Variants in EZH2 observed in about 807,000 individuals in gnomAD.
The protein encoded by EZH2 is histone-lysine N-methyltransferase EZH2.
Under a neutral mutation model 98.4 loss-of-function variants are expected in EZH2, and 18 were observed. The observed-to-expected ratio is 0.18, with a 90% confidence interval of 0.13 to 0.27. EZH2 has a LOEUF of 0.27. Ranked by LOEUF, EZH2 falls within the 10% of genes least tolerant of loss-of-function variation. The probability of loss-of-function intolerance (pLI) is 1.00; values close to 1 mark genes in which losing one functional copy is unlikely to be tolerated. For missense variants in EZH2, 470 were observed against 935.1 expected (o/e 0.50, Z 6.49); for synonymous variants, 338 against 312.3 (o/e 1.08, Z -0.87).
chr7:148,841,181 C>CT (rs780466171), intron 3 of EZH2, among the ~76,000 whole-genome samples: 114 of 146,234 alleles, frequency 7.8e-4, no homozygotes, highest in East Asian at 4.7e-3. Context: ...CACAAATGAC[C>CT]TTTTTTTTTT....
At chr7:148,849,464 G>A (rs1482476499) in intron 1 of EZH2, among the ~76,000 whole-genome samples, 1 of 152,196 alleles carries the variant, frequency 6.6e-6, no homozygotes, top group Non-Finnish European at 1.5e-5. Flanking sequence ...GAAGAGATAA[G>A]AATGGGCAGG....
Position 148,867,925 on chromosome 7 carries a change from G to C in EZH2, c.-8+16239C>G, listed in dbSNP as rs1264219864. ...CTAGAGCAGGAGCACAATGCTGCCAGTCTCTTTGCTAACACATAGCAAGAG... is the reference window on the plus strand; with the variant it reads ...CTAGAGCAGGAGCACAATGCTGCCACTCTCTTTGCTAACACATAGCAAGAG... On this transcript the variant is annotated intron_variant, in intron 1 of 19. Transcript: ENST00000320356. Among the ~76,000 whole-genome samples, 5 of 152,190 alleles carry C rather than the reference G, an allele frequency of 3.3e-5. No individual in the cohort carries two copies. The South Asian group carries it at 1.0e-3, about 32-fold the overall frequency.
chr7:148,851,146 T>C (rs1815653896), intron 1 of EZH2, among the ~76,000 whole-genome samples: 1 of 152,036 alleles, frequency 6.6e-6, no homozygotes, highest in Non-Finnish European at 1.5e-5. Flanking sequence ...AGCTTAGCTA[T>C]AGGTATGAAA....
At chr7:148,826,860 T>C (rs533505589) in intron 7 of EZH2, among the ~76,000 whole-genome samples, 10 of 152,308 alleles carry the variant, frequency 6.6e-5, no homozygotes, top group African/African-American at 2.4e-4. Context: ...TTATATTAGT[T>C]TTAACTAAAC....
chr7:148,807,508 TTACTA>T lies in EZH2; in HGVS notation c.*133_*137del, dbSNP rs1158238278. On this transcript the variant is annotated 3_prime_UTR_variant, in exon 20 of 20. Transcript: ENST00000320356. ...AATAAAAAGTTGATTTTTAAACTCA[TTACTA>T]TAAATTATTCTTACAGTACTTTGCA... 9 of 704,506 alleles carry T rather than the reference TTACTA, an allele frequency of 1.3e-5. No individual in the cohort carries two copies. The highest frequency in any genetic ancestry group is 2.2e-5 in the Non-Finnish European group (9 of 410,484). 43.6% of individuals were successfully genotyped at this position (704,506 alleles called of 1,614,324 possible). A position where few individuals can be genotyped will look rare whatever the true frequency, so the allele number is the denominator to read the frequency against.
chr7:148,865,068 G>A (rs1464621157), intron 1 of EZH2, among the ~76,000 whole-genome samples: 3 of 150,336 alleles, frequency 2.0e-5, no homozygotes, highest in African/African-American at 4.9e-5. Context: ...CAGAGGATGC[G>A]TTAAGCTGAG....
At chr7:148,859,181 T>C (rs1437137996) in intron 1 of EZH2, among the ~76,000 whole-genome samples, 4 of 152,204 alleles carry the variant, frequency 2.6e-5, no homozygotes, top group African/African-American at 9.7e-5. Context: ...TGTGCCCTTA[T>C]ACAGCTTAAA....
At chr7:148,854,609 T>C (rs1816489997) in intron 1 of EZH2, among the ~76,000 whole-genome samples, 1 of 152,208 alleles carries the variant, frequency 6.6e-6, no homozygotes, top group African/African-American at 2.4e-5. Flanking sequence ...GACTCTTAAC[T>C]GAATACCAGG....
chr7:148,857,533 CG>C (rs1773181543), intron 1 of EZH2, among the ~76,000 whole-genome samples: 2 of 152,174 alleles, frequency 1.3e-5, no homozygotes, highest in South Asian at 2.1e-4. Flanking sequence ...AGGCGGATCA[CG>C]TAAGTCAGGA....
At chr7:148,811,591 A>G in intron 16 of EZH2, 34 bp downstream of exon 16, 1 of 1,538,516 alleles carries the variant, frequency 6.5e-7, no homozygotes, top group Non-Finnish European at 9.0e-7. Context: ...TAGTATATAC[A>G]ATGCCACCTG....
intron 1 of EZH2, among the ~76,000 whole-genome samples, chr7:148,864,392 A>G (rs762789164): frequency 6.6e-6 from 1 of 152,236 alleles, no homozygotes; most frequent in Non-Finnish European, 1.5e-5. Flanking sequence ...TCTAAAGGTT[A>G]AAGTTTTCAG....
chr7:148,813,180 G>A (rs531617439), intron 15 of EZH2, among the ~76,000 whole-genome samples: 1 of 151,996 alleles, frequency 6.6e-6, no homozygotes, highest in Admixed American at 6.5e-5. Flanking sequence ...GTAAAATGGG[G>A]GTTAACACTT....
At chr7:148,869,871 C>T (rs549305838) in intron 1 of EZH2, among the ~76,000 whole-genome samples, 1 of 146,308 alleles carries the variant, frequency 6.8e-6, no homozygotes, top group South Asian at 2.1e-4. Context: ...AGAGCCTCGC[C>T]CAGAGCCTAC....
chr7:148,840,879 A>C (rs1812254653), intron 3 of EZH2, among the ~76,000 whole-genome samples: 2 of 152,260 alleles, frequency 1.3e-5, no homozygotes, highest in South Asian at 4.1e-4. Context: ...TTAACCAAGC[A>C]CTTTTGTTTG....
At chr7:148,848,087 T>C (rs1232782536) in intron 1 of EZH2, among the ~76,000 whole-genome samples, 1 of 152,228 alleles carries the variant, frequency 6.6e-6, no homozygotes, top group African/African-American at 2.4e-5. Context: ...TCCTAGAACA[T>C]TTTCTCCTAA....
At chr7:148,842,460 G>A (rs1267662741) in intron 3 of EZH2, among the ~76,000 whole-genome samples, 2 of 152,134 alleles carry the variant, frequency 1.3e-5, no homozygotes, top group East Asian at 1.9e-4. Context: ...AGTTATTACT[G>A]GTTGACAAGA....
At chr7:148,855,758 C>T (rs1050428149) in intron 1 of EZH2, among the ~76,000 whole-genome samples, 5 of 151,848 alleles carry the variant, frequency 3.3e-5, no homozygotes, top group African/African-American at 9.7e-5. Context: ...ATTATCCGGG[C>T]GTGGTGATGC....
chr7:148,882,708 G>A (rs1563085059), intron 1 of EZH2, among the ~76,000 whole-genome samples: 1 of 152,156 alleles, frequency 6.6e-6, no homozygotes, highest in East Asian at 1.9e-4. Flanking sequence ...TTTATTAAAT[G>A]CTGTTTTATG....
At position 148,828,797 on chromosome 7, in the gene EZH2, C is replaced by A; in HGVS notation, c.568G>T (p.Gly190Ter). 1 of 1,612,822 alleles carries A rather than the reference C, an allele frequency of 6.2e-7. No individual in the cohort carries two copies. Among genetic ancestry groups the A allele is most frequent in the Non-Finnish European group, 8.5e-7 (1 of 1,179,364 alleles). ...TCTTCTCTTTCTTCAGGATCGTCTC[C>A]ATCATCATCATCGTCATCATCATTA... is the stretch of plus-strand genomic sequence containing the variant. ...QYNDDDDDDD[G>*]DDPEEREEKQ... Residue 190 changes from glycine (G) to a stop codon, truncating the protein, a stop_gained, in exon 6 of 20, where the codon GGA (glycine) becomes TGA (stop). Transcript: ENST00000320356. LOFTEE classifies it high-confidence loss of function.
Sources: gnomAD v4.1 joint callset for allele counts (sites outside exome capture counted in the v4.1 genomes callset) on GRCh38, gnomAD v4.1.1 for gene constraint, MANE v1.5 for transcripts, NCBI Gene and HGNC (gene_info 2026-07-23, HGNC 2026-07-21) for gene names.